Variants in ZFP91 observed in about 807,000 individuals in gnomAD.
The protein encoded by ZFP91 is ZFP91 zinc finger protein, atypical E3 ubiquitin ligase.
ZFP91 carries 7 observed loss-of-function variants against 63.5 expected under a neutral mutation model. The ratio of observed to expected loss-of-function variants is 0.11; its 90% CI spans 0.06 to 0.21. The LOEUF (loss-of-function observed/expected upper bound fraction) is 0.21, where lower values mean the gene tolerates loss of function less well. Ranked by LOEUF, ZFP91 falls within the 10% of genes least tolerant of loss-of-function variation. ZFP91 has a pLI of 1.00. For missense variants in ZFP91, 628 were observed against 736.6 expected, an observed-to-expected ratio of 0.85 and a Z score of 1.71; for synonymous variants, 330 against 272.1, an observed-to-expected ratio of 1.21 and a Z score of -2.10.
Position 58,579,352 on chromosome 11 carries a change from C to T in ZFP91, c.71C>T (p.Ala24Val). The T allele has an allele frequency of 6.7e-7, 1 of 1,493,884 alleles. No individual in the cohort carries two copies. 92.5% of individuals were successfully genotyped at this position (1,493,884 alleles called of 1,614,324 possible). ...QDQEGGEAAK[A>V]APEEPQQRPP... ...CAGGAAGGGGGAGAGGCGGCCAAGG[C>T]GGCTCCGGAGGAGCCCCAACAACGG... is the stretch of plus-strand genomic sequence containing the variant. The change falls in exon 1 of 11, where the codon GCG becomes GTG. Residue 24 changes from alanine to valine, a missense_variant. By Grantham distance (64) the Ala-to-Val change is moderately conservative. Around this residue, in one of 3 missense-constraint regions of ZFP91, gnomAD observed 437 missense variants for 380.3 expected, o/e 1.15. Transcript: ENST00000316059.
At chr11:58,586,440 A>G (rs1487860045) in intron 2 of ZFP91, among the ~76,000 whole-genome samples, 2 of 152,172 alleles carry the variant, frequency 1.3e-5, no homozygotes, top group Admixed American at 1.3e-4. Context: ...GTTTTAAACT[A>G]GAAGTTGACT....
chr11:58,593,995 A>T (rs1040138595), intron 2 of ZFP91, among the ~76,000 whole-genome samples: 1 of 152,110 alleles, frequency 6.6e-6, no homozygotes, highest in Non-Finnish European at 1.5e-5. Context: ...GTTGCCTGGC[A>T]TATTGGAGTA....
In ZFP91 at chr11:58,579,209, G is replaced by A; in HGVS notation, c.-73G>A. 1 of 1,258,534 alleles carries A rather than the reference G, an allele frequency of 7.9e-7. No homozygotes were observed. The highest frequency in any genetic ancestry group is 1.0e-6 in the Non-Finnish European group (1 of 973,064). The allele number at this position is 1,258,534 out of a possible 1,614,324, so 78.0% of individuals were successfully genotyped here. On this transcript the variant is annotated 5_prime_UTR_variant, in exon 1 of 11. Coordinates refer to ENST00000316059, the MANE Select transcript of ZFP91 (RefSeq NM_053023.5). Reference sequence around the variant, plus strand: ...CAGGCTTCGGGAGGCGAGGGGGCGGGGGGAGCAGCGCCGAGGCCGCCGCCT... The same window carrying A: ...CAGGCTTCGGGAGGCGAGGGGGCGGAGGGAGCAGCGCCGAGGCCGCCGCCT...
chr11:58,617,414 A>G lies in ZFP91; in HGVS notation c.1421A>G (p.Asp474Gly), dbSNP rs1484238535. The change falls in exon 11 of 11, where the codon GAT (aspartate) becomes GGT (glycine). Residue 474 changes from aspartate to glycine, a missense_variant. By Grantham distance (94) the Asp-to-Gly change is moderately conservative. Coordinates refer to ENST00000316059, the MANE Select transcript of ZFP91 (RefSeq NM_053023.5). This position sits in a 1 kb window ranked among gnomAD's most constrained non-coding sequence, Gnocchi z 4.2. ...ANAGALITST[D>G]ILGTNPESLT... ...GCAGGCGCCCTCATCACCAGCACAGATATCTTGGGCACTAACCCAGAGTCC... is the reference window on the plus strand; with the variant it reads ...GCAGGCGCCCTCATCACCAGCACAGGTATCTTGGGCACTAACCCAGAGTCC... 1.2e-6 allele frequency: 2 copies of G among 1,613,640 alleles called. No homozygotes were observed. The highest frequency in any genetic ancestry group is 1.7e-5 in the Admixed American group (1 of 59,942).
intron 2 of ZFP91, among the ~76,000 whole-genome samples, chr11:58,585,221 T>A (rs1399179092): frequency 6.6e-6 from 1 of 152,146 alleles, no homozygotes; most frequent in Non-Finnish European, 1.5e-5. Flanking sequence ...AAATACAGAT[T>A]AAAATTACAG....
rs1236761012 is a variant in ZFP91, at chr11:58,617,086, G to GTGTGTT, written c.1203-105_1203-104insTTGTGT. 1.0e-6 allele frequency: 1 copy of GTGTGTT among 959,278 alleles called. No individual in the cohort carries two copies. Among genetic ancestry groups the GTGTGTT allele is most frequent in the African/African-American group, 1.7e-5 (1 of 60,606 alleles). The allele number at this position is 959,278 out of a possible 1,614,324, so 59.4% of individuals were successfully genotyped here. ...TACTGATTATTGTGTGTGTGTGTGT[G>GTGTGTT]TGTGTGTGTGTGTATGTATATATAT... is the stretch of plus-strand genomic sequence containing the variant. On this transcript the variant is annotated intron_variant, in intron 10 of 10. Transcript: ENST00000316059. This position sits in a 1 kb window ranked among gnomAD's most constrained non-coding sequence, Gnocchi z 4.2.
chr11:58,600,589 CTT>C (rs955415884), intron 2 of ZFP91, among the ~76,000 whole-genome samples: 1 of 152,056 alleles, frequency 6.6e-6, no homozygotes, highest in African/African-American at 2.4e-5. Context: ...TATGTAAGGT[CTT>C]TTCACCTGCA....
intron 1 of ZFP91, among the ~76,000 whole-genome samples, chr11:58,580,470 C>T (rs1245414119): frequency 6.6e-6 from 1 of 151,488 alleles, no homozygotes; most frequent in Non-Finnish European, 1.5e-5. Context: ...AAATTAATCA[C>T]ATTGACTATT....
Position 58,617,776 on chromosome 11 carries a change from A to T in ZFP91, c.*70A>T. On this transcript the variant is annotated 3_prime_UTR_variant, in exon 11 of 11. Transcript: ENST00000316059. The surrounding 1 kb of genome is among the most constrained non-coding windows in gnomAD (Gnocchi z 4.2). ...TAAAAGTTAAAAAGGACAAAAAAAA[A>T]ATCTAAAGCATTTAAAATCTAGTGA... 6.9e-7 allele frequency: 1 copy of T among 1,439,906 alleles called. No homozygotes were observed. Among genetic ancestry groups the T allele is most frequent in the East Asian group, 2.5e-5 (1 of 40,262 alleles). 89.2% of individuals were successfully genotyped at this position (1,439,906 alleles called of 1,614,324 possible).
intron 8 of ZFP91, 25 bp from the exon 9 acceptor site, chr11:58,614,202 TCG>T: frequency 6.8e-7 from 1 of 1,477,254 alleles, no homozygotes; most frequent in Admixed American, 2.1e-5. Context: ...TTTTTTTTTT[TCG>T]CCCCTTTCAC....
Position 58,617,326 on chromosome 11 carries a change from G to A in ZFP91, c.1333G>A (p.Val445Ile), listed in dbSNP as rs756239770. The A allele has an allele frequency of 3.1e-5, 50 of 1,614,088 alleles. No homozygotes were observed. Among genetic ancestry groups the A allele is most frequent in the Middle Eastern group, 1.7e-4 (1 of 6,060 alleles). The change falls in exon 11 of 11, where the codon GTA (valine) becomes ATA (isoleucine). Residue 445 changes from valine to isoleucine, a missense_variant. Physicochemically the swap from Val to Ile is conservative, Grantham distance 29. Transcript: ENST00000316059. This position sits in a 1 kb window ranked among gnomAD's most constrained non-coding sequence, Gnocchi z 4.2. ...CGKKFEKKDS[V>I]VAHKAKSHPE... ...CAAAAAATTTGAGAAGAAGGACAGC[G>A]TAGTGGCACACAAGGCAAAAAGCCA...
intron 1 of ZFP91, among the ~76,000 whole-genome samples, chr11:58,584,646 A>G (rs1311174598): frequency 6.6e-6 from 1 of 152,148 alleles, no homozygotes; most frequent in African/African-American, 2.4e-5. Flanking sequence ...CAGTTTCACA[A>G]TTACATGAAC....
intron 2 of ZFP91, among the ~76,000 whole-genome samples, chr11:58,598,287 T>C (rs79788937): frequency 0.026 from 4,020 of 152,222 alleles, 179 homozygotes; most frequent in African/African-American, 0.092. Flanking sequence ...AATAGAGTGG[T>C]ATCTATAGTT....
At chr11:58,597,560 C>T (rs190198477) in intron 2 of ZFP91, among the ~76,000 whole-genome samples, 19 of 152,242 alleles carry the variant, frequency 1.2e-4, no homozygotes, top group Non-Finnish European at 2.2e-4. Flanking sequence ...TAAATTCTTT[C>T]TTCACCTTTC....
In ZFP91 at chr11:58,618,524, G is replaced by T. The variant is rs1855791278; in HGVS notation, c.*818G>T. The T allele has an allele frequency of 2.6e-6, 1 of 384,202 alleles. No individual in the cohort carries two copies. Among genetic ancestry groups the T allele is most frequent in the Non-Finnish European group, 5.0e-6 (1 of 198,306 alleles). The allele number at this position is 384,202 out of a possible 1,614,324, so 23.8% of individuals were successfully genotyped here. ...GCAGAAATTTGCACTTTGAACATGTGTGTTTTTGTGTTGTGGAACCTGAGA... is the reference window on the plus strand; with the variant it reads ...GCAGAAATTTGCACTTTGAACATGTTTGTTTTTGTGTTGTGGAACCTGAGA... On this transcript the variant is annotated 3_prime_UTR_variant, in exon 11 of 11. Transcript: ENST00000316059.
chr11:58,611,509 T>A, intron 5 of ZFP91, 95 bp from the exon 6 acceptor site: 1 of 1,455,504 alleles, frequency 6.9e-7, no homozygotes. Flanking sequence ...GGTAGTTTTA[T>A]AACAAATCAG....
At position 58,618,647 on chromosome 11, in the gene ZFP91, T is replaced by G; in HGVS notation, c.*941T>G. ...AGAGAGAGATTAGATTATTTTGACA[T>G]GGGATCCCTTCCATAACAGGTACTT... On this transcript the variant is annotated 3_prime_UTR_variant, in exon 11 of 11. Coordinates refer to ENST00000316059, the MANE Select transcript of ZFP91 (RefSeq NM_053023.5). 1 of 456,538 alleles carries G rather than the reference T, an allele frequency of 2.2e-6. No individual in the cohort carries two copies. Among genetic ancestry groups the G allele is most frequent in the Non-Finnish European group, 4.4e-6 (1 of 226,836 alleles). The allele number at this position is 456,538 out of a possible 1,614,324, so 28.3% of individuals were successfully genotyped here.
chr11:58,619,473 C>T lies in ZFP91; in HGVS notation c.*1767C>T, dbSNP rs1238851685. 2.0e-5 allele frequency: 3 copies of T among 150,832 alleles called. No individual in the cohort carries two copies. The highest frequency in any genetic ancestry group is 2.9e-5 in the Non-Finnish European group (2 of 67,798). 9.3% of individuals were successfully genotyped at this position (150,832 alleles called of 1,614,324 possible). The stretch of plus-strand genomic sequence containing the variant: ...GCATGATGGCTCTTGGAAAGAATGA[C>T]GTTTTGCTGGAAAAAAAAAAAAGAA... On this transcript the variant is annotated 3_prime_UTR_variant, in exon 11 of 11. Coordinates refer to ENST00000316059, the MANE Select transcript of ZFP91 (RefSeq NM_053023.5).
chr11:58,579,228 G>A lies in ZFP91; in HGVS notation c.-54G>A, dbSNP rs1275481804. 3 of 1,346,146 alleles carry A rather than the reference G, an allele frequency of 2.2e-6. No homozygotes were observed. The highest frequency in any genetic ancestry group is 1.6e-5 in the African/African-American group (1 of 63,472). 83.4% of individuals were successfully genotyped at this position (1,346,146 alleles called of 1,614,324 possible). On this transcript the variant is annotated 5_prime_UTR_variant, in exon 1 of 11. Coordinates refer to ENST00000316059, the MANE Select transcript of ZFP91 (RefSeq NM_053023.5). Reference sequence around the variant, plus strand: ...GGGCGGGGGGAGCAGCGCCGAGGCCGCCGCCTCCGCCTCCGCCGCCTAGGA... The same window carrying A: ...GGGCGGGGGGAGCAGCGCCGAGGCCACCGCCTCCGCCTCCGCCGCCTAGGA...
Sources: gnomAD v4.1 joint callset for allele counts (sites outside exome capture counted in the v4.1 genomes callset) on GRCh38, gnomAD v4.1.1 for gene constraint, gnomAD v4.1.1 regional missense constraint, Gnocchi (gnomAD v3.1) non-coding constraint, MANE v1.5 for transcripts, NCBI Gene and HGNC (gene_info 2026-07-23, HGNC 2026-07-21) for gene names.